RCCD1: variants seen among roughly 807,000 people sequenced by gnomAD.
The protein encoded by RCCD1 is RCC1 domain-containing protein 1.
In RCCD1, 40 loss-of-function variants were observed where a neutral mutation model predicts 37.6. The ratio of observed to expected loss-of-function variants is 1.06; its 90% CI spans 0.83 to 1.39. RCCD1 has a LOEUF of 1.39. RCCD1 is among the 40% of genes most tolerant of loss of function. The pLI, the probability that RCCD1 is intolerant of heterozygous loss-of-function variation, is 0.00. For synonymous variants in RCCD1, 263 were observed against 230.0 expected (o/e 1.14, Z -1.30); for missense variants, 577 against 517.3 (o/e 1.12, Z -1.12).
chr15:90,958,690 G>T (rs1037388779), intron 4 of RCCD1, among the ~76,000 whole-genome samples: 5 of 150,178 alleles, frequency 3.3e-5, no homozygotes, highest in Non-Finnish European at 5.9e-5. Flanking sequence ...TATTCTCATG[G>T]AATGGGCCTG....
rs374753986 is a variant in RCCD1 at position 90,960,341 on chromosome 15, T to C, written c.792T>C (p.Asn264=). ...ETVAREATEL[N]EDGSQVKRTG... is the part of the protein sequence containing the mutation. ...ATCATTCTGAAGCCACAGAACTGAA[T>C]GAAGATGGTTCTCAGGTGAAGAGAA... is the stretch of plus-strand genomic sequence containing the variant. Residue 264 remains asparagine, a synonymous_variant, in exon 6 of 8, where the codon AAT becomes AAC. Coordinates refer to ENST00000394258, the MANE Select transcript of RCCD1 (RefSeq NM_001017919.2). 2.5e-6 allele frequency: 4 copies of C among 1,607,434 alleles called. No homozygotes were observed. Among genetic ancestry groups the C allele is most frequent in the Admixed American group, 3.4e-5 (2 of 59,006 alleles).
In RCCD1 at chr15:90,960,327, G is replaced by A; in HGVS notation, c.779-1G>A. 1 of 1,594,110 alleles carries A rather than the reference G, an allele frequency of 6.3e-7. No individual in the cohort carries two copies. On this transcript the variant is annotated splice_acceptor_variant, in intron 5 of 7. Coordinates refer to ENST00000394258, the MANE Select transcript of RCCD1 (RefSeq NM_001017919.2). LOFTEE classifies it high-confidence loss of function. ...TTCACATCATTATTATCATTCTGAA[G>A]CCACAGAACTGAATGAAGATGGTTC...
Position 90,959,965 on chromosome 15 carries a change from C to G in RCCD1, c.745C>G (p.Leu249Val), listed in dbSNP as rs75390535. Reference sequence around the variant, plus strand: ...GCAGCTGGCCCTGCCCACCAGGAACCTGGCAGAGGATGGAGAGACTGTCGC... The same window carrying G: ...GCAGCTGGCCCTGCCCACCAGGAACGTGGCAGAGGATGGAGAGACTGTCGC... ...SGQLALPTRN[L>V]AEDGETVARE... Residue 249 changes from leucine (L) to valine (V), a missense_variant, in exon 5 of 8, where the codon CTG becomes GTG. Leu to Val is a conservative substitution (Grantham distance 32). Coordinates refer to ENST00000394258, the MANE Select transcript of RCCD1 (RefSeq NM_001017919.2). The G allele has an allele frequency of 1.9e-6, 3 of 1,613,712 alleles. No homozygotes were observed. In the Admixed American group the frequency reaches 5.0e-5, roughly 27 times the overall value.
Position 90,957,468 on chromosome 15 carries a change from C to T in RCCD1, c.522C>T (p.Asp174=), listed in dbSNP as rs1596252637. 1 of 1,543,438 alleles carries T rather than the reference C, an allele frequency of 6.5e-7. No individual in the cohort carries two copies. Among genetic ancestry groups the T allele is most frequent in the East Asian group, 2.4e-5 (1 of 41,540 alleles). The stretch of plus-strand genomic sequence containing the variant: ...GCGCCGAGCACGCGTTGCTGCTGGA[C>T]GCTGCTGGCCAGGTGTTCTCCTGGG... ...ELGAEHALLL[D]AAGQVFSWGG... Residue 174 remains aspartate (D), a synonymous_variant, in exon 3 of 8, where the codon GAC becomes GAT. Coordinates refer to ENST00000394258, the MANE Select transcript of RCCD1 (RefSeq NM_001017919.2).
rs951028960 is a variant in RCCD1, at chr15:90,961,548, C to A, written c.980-70C>A. ...CCAGCACTTCATTTGATAGTCTGGG[C>A]CCCTTCCTGGAGGGAAAGCAGCAGC... On this transcript the variant is annotated intron_variant, in intron 7 of 7. Coordinates refer to ENST00000394258, the MANE Select transcript of RCCD1 (RefSeq NM_001017919.2). The A allele has an allele frequency of 1.1e-5, 16 of 1,509,258 alleles. No individual in the cohort carries two copies. In the African/African-American group the frequency reaches 1.9e-4, roughly 18 times the overall value. The allele number at this position is 1,509,258 out of a possible 1,614,324, so 93.5% of individuals were successfully genotyped here. A position where few individuals can be genotyped will look rare whatever the true frequency, so the allele number is the denominator to read the frequency against.
chr15:90,957,063 C>G (rs1362764935), intron 2 of RCCD1, 50 bp from the exon 3 acceptor site: 5 of 1,309,266 alleles, frequency 3.8e-6, no homozygotes, highest in Non-Finnish European at 4.8e-6. Flanking sequence ...CCCGCTCCCC[C>G]CATCCCCGCC....
At chr15:90,958,017 C>G (rs962962597) in intron 4 of RCCD1, among the ~76,000 whole-genome samples, 2 of 152,146 alleles carry the variant, frequency 1.3e-5, no homozygotes, top group African/African-American at 2.4e-5. Context: ...ACAGTGCTGC[C>G]GAGGGAGTAT....
chr15:90,961,801 T>G lies in RCCD1; in HGVS notation c.*32T>G. On this transcript the variant is annotated 3_prime_UTR_variant, in exon 8 of 8. Transcript: ENST00000394258. ...TACGTATATGTATATGCAACACCTG[T>G]GAGACCCCCATTCAGGTCAAGGAAA... 6.3e-7 allele frequency: 1 copy of G among 1,594,314 alleles called. No homozygotes were observed. The highest frequency in any genetic ancestry group is 8.6e-7 in the Non-Finnish European group (1 of 1,167,694).
rs1567170499 is a variant in RCCD1, at chr15:90,962,597, ATT to A, written c.*830_*831del. The A allele has an allele frequency of 1.3e-5, 2 of 152,104 alleles. No individual in the cohort carries two copies. The highest frequency in any genetic ancestry group is 4.8e-5 in the African/African-American group (2 of 41,402). 9.4% of individuals were successfully genotyped at this position (152,104 alleles called of 1,614,324 possible). A position where few individuals can be genotyped will look rare whatever the true frequency, so the allele number is the denominator to read the frequency against. On this transcript the variant is annotated 3_prime_UTR_variant, in exon 8 of 8. Transcript: ENST00000394258. ...TACTGATGAGGTTGAGTAGCTTTTC[ATT>A]TGTTTTGGATGGCTGGGCATGGTGG...
At chr15:90,955,505 G>C (rs2037159931) in intron 1 of RCCD1, 1 of 152,322 alleles carries the variant, frequency 6.6e-6, no homozygotes, top group Non-Finnish European at 1.5e-5. Context: ...AGGAGCCCAG[G>C]AACTGGGGTC....
At chr15:90,958,143 G>T (rs949075248) in intron 4 of RCCD1, among the ~76,000 whole-genome samples, 36 of 152,224 alleles carry the variant, frequency 2.4e-4, no homozygotes, top group African/African-American at 8.4e-4. Context: ...CCAGGATGGT[G>T]ATGAGTGTGT....
In RCCD1 at chr15:90,957,408, G is replaced by A. The variant is rs1304127676; in HGVS notation, c.462G>A (p.Leu154=). Reference sequence around the variant, plus strand: ...CGCGGGCGCCCTTCTACCGGCCTCTGGCTCCGGAGCTGCGGGCACGCCAGC... The same window carrying A: ...CGCGGGCGCCCTTCTACCGGCCTCTAGCTCCGGAGCTGCGGGCACGCCAGC... ...VSPRAPFYRP[L]APELRARQLE... The change falls in exon 3 of 8, where the codon CTG becomes CTA. Residue 154 remains leucine, a synonymous_variant. Coordinates refer to ENST00000394258, the MANE Select transcript of RCCD1 (RefSeq NM_001017919.2). The A allele has an allele frequency of 1.9e-6, 3 of 1,541,382 alleles. No homozygotes were observed. Among genetic ancestry groups the A allele is most frequent in the Non-Finnish European group, 8.7e-7 (1 of 1,145,884 alleles).
intron 7 of RCCD1, 36 bp downstream of exon 7, chr15:90,961,090 AAGG>A (rs764533528): frequency 3.7e-6 from 6 of 1,603,196 alleles, no homozygotes; most frequent in South Asian, 2.2e-5. Flanking sequence ...CCCTGAAACC[AAGG>A]AGAAGAAAGA....
intron 5 of RCCD1, 47 bp downstream of exon 5, chr15:90,960,045 G>A (rs2151382117): frequency 6.9e-7 from 1 of 1,458,880 alleles, no homozygotes; most frequent in African/African-American, 1.4e-5. Context: ...GGATGTGGCT[G>A]TCATTCCTAA....
In RCCD1 at chr15:90,958,739, C is replaced by T. The variant is rs114657059; in HGVS notation, c.679+1014C>T. Among the ~76,000 whole-genome samples the T allele has an allele frequency of 5.6e-3, 852 of 151,556 alleles. 12 individuals carry two copies. Among genetic ancestry groups the T allele is most frequent in the African/African-American group, 0.02 (811 of 41,348 alleles). On this transcript the variant is annotated intron_variant, in intron 4 of 7. Transcript: ENST00000394258. The stretch of plus-strand genomic sequence containing the variant: ...GCTCAGGAAACCCTGGGCTGAGCCT[C>T]GCCAACGTGGCAAAACCTCGTCTTT...
At position 90,961,852 on chromosome 15, in the gene RCCD1, C is replaced by T. The variant is rs1041923378; in HGVS notation, c.*83C>T. On this transcript the variant is annotated 3_prime_UTR_variant, in exon 8 of 8. Transcript: ENST00000394258. ...ACCATTGCCTGCACCCCAAGGGCCC[C>T]ATATTTGCCCCTCCCCATCACAGTC... 1.3e-5 allele frequency: 18 copies of T among 1,417,376 alleles called. No homozygotes were observed. The African/African-American group carries it at 2.4e-4, about 19-fold the overall frequency. 87.8% of individuals were successfully genotyped at this position (1,417,376 alleles called of 1,614,324 possible).
rs766877905 is a variant in RCCD1 at position 90,961,685 on chromosome 15, T to G, written c.1047T>G (p.Phe349Leu). 6.2e-7 allele frequency: 1 copy of G among 1,614,166 alleles called. No individual in the cohort carries two copies. The highest frequency in any genetic ancestry group is 8.5e-7 in the Non-Finnish European group (1 of 1,180,028). The change falls in exon 8 of 8, where the codon TTT becomes TTG. Residue 349 changes from phenylalanine to leucine, a missense_variant. Transcript: ENST00000394258. ...ATCGGCCTCGCCGTGTGGAATACTT[T>G]GTAGATAAGCAACTCCAAGTAAAGG... ...SLDRPRRVEY[F>L]VDKQLQVKAV...
chr15:90,961,249 A>G (rs981820456), intron 7 of RCCD1, 195 bp downstream of exon 7: 1 of 611,786 alleles, frequency 1.6e-6, no homozygotes, highest in East Asian at 2.8e-5. Flanking sequence ...CAGGGGAGAC[A>G]TGGAGAGGAT....
At position 90,957,480 on chromosome 15, in the gene RCCD1, G is replaced by A. The variant is rs1322298609; in HGVS notation, c.534G>A (p.Gln178=). The A allele has an allele frequency of 3.9e-6, 6 of 1,551,546 alleles. No individual in the cohort carries two copies. Among genetic ancestry groups the A allele is most frequent in the Non-Finnish European group, 3.5e-6 (4 of 1,152,078 alleles). The change falls in exon 3 of 8, where the codon CAG becomes CAA. Residue 178 remains glutamine (Q), a synonymous_variant. Coordinates refer to ENST00000394258, the MANE Select transcript of RCCD1 (RefSeq NM_001017919.2). Reference sequence around the variant, plus strand: ...CGTTGCTGCTGGACGCTGCTGGCCAGGTGTTCTCCTGGGGCGGGGGCAGGT... The same window carrying A: ...CGTTGCTGCTGGACGCTGCTGGCCAAGTGTTCTCCTGGGGCGGGGGCAGGT... The part of the protein sequence containing the change: ...EHALLLDAAG[Q]VFSWGGGRHG...
Sources: gnomAD v4.1 joint callset for allele counts (sites outside exome capture counted in the v4.1 genomes callset) on GRCh38, gnomAD v4.1.1 for gene constraint, MANE v1.5 for transcripts, NCBI Gene and HGNC (gene_info 2026-07-23, HGNC 2026-07-21) for gene names.